Variants in PIP4K2A observed in about 807,000 individuals in gnomAD.
PIP4K2A encodes phosphatidylinositol-5-phosphate 4-kinase type 2 alpha, also known as phosphatidylinositol 5-phosphate 4-kinase type-2 alpha.
In PIP4K2A, 14 loss-of-function variants were observed where a neutral mutation model predicts 42.9. That is an observed-to-expected ratio of 0.33 (90% CI 0.22 to 0.51). The LOEUF (loss-of-function observed/expected upper bound fraction) is 0.51, where lower values mean the gene tolerates loss of function less well. Ranked by LOEUF, PIP4K2A falls within the 20% of genes least tolerant of loss-of-function variation. The pLI, the probability that PIP4K2A is intolerant of heterozygous loss-of-function variation, is 0.97. For missense variants in PIP4K2A, 434 were observed against 519.8 expected, an observed-to-expected ratio of 0.83 and a Z score of 1.61; for synonymous variants, 192 against 192.2, an observed-to-expected ratio of 1.00 and a Z score of 0.01.
intron 1 of PIP4K2A, among the ~76,000 whole-genome samples, chr10:22,657,455 T>C (rs1839124749): frequency 6.6e-6 from 1 of 152,252 alleles, no homozygotes; most frequent in African/African-American, 2.4e-5. Flanking sequence ...TTTTGACTGT[T>C]GTGGGTCAGT....
chr10:22,697,785 C>T (rs185821222), intron 1 of PIP4K2A, among the ~76,000 whole-genome samples: 8 of 152,166 alleles, frequency 5.3e-5, no homozygotes, highest in Admixed American at 6.5e-5. Flanking sequence ...CACACACACA[C>T]CCTGTAATTG....
intron 1 of PIP4K2A, among the ~76,000 whole-genome samples, chr10:22,698,448 C>A (rs35386008): frequency 0.047 from 7,183 of 152,146 alleles, 227 homozygotes; most frequent in Non-Finnish European, 0.071. Flanking sequence ...GTAAATTCCC[C>A]AAAAAGAGAA....
chr10:22,598,137 C>T (rs1486437818), intron 3 of PIP4K2A, among the ~76,000 whole-genome samples: 1 of 152,158 alleles, frequency 6.6e-6, no homozygotes, highest in Non-Finnish European at 1.5e-5. Flanking sequence ...GTGGGAAGAT[C>T]ACTTGAGGCC....
chr10:22,674,595 T>C (rs2130866204), intron 1 of PIP4K2A, among the ~76,000 whole-genome samples: 1 of 152,204 alleles, frequency 6.6e-6, no homozygotes, highest in Non-Finnish European at 1.5e-5. Flanking sequence ...AGAAATGTTA[T>C]ATTCTTTATA....
At chr10:22,674,075 T>C (rs1418982545) in intron 1 of PIP4K2A, among the ~76,000 whole-genome samples, 1 of 152,196 alleles carries the variant, frequency 6.6e-6, no homozygotes, top group East Asian at 1.9e-4. Context: ...CACAGAACCT[T>C]TGCTTTTCTT....
chr10:22,630,393 T>G (rs1366708389), intron 1 of PIP4K2A, among the ~76,000 whole-genome samples: 7 of 152,234 alleles, frequency 4.6e-5, no homozygotes, highest in African/African-American at 1.7e-4. Context: ...AGCCCTATGT[T>G]TTAAAGATTG....
At chr10:22,705,300 A>G (rs2130922726) in intron 1 of PIP4K2A, among the ~76,000 whole-genome samples, 1 of 152,028 alleles carries the variant, frequency 6.6e-6, no homozygotes, top group South Asian at 2.1e-4. Flanking sequence ...TGGCCCTTCA[A>G]AGGTGGCCTC....
chr10:22,555,006 C>T (rs1431554138), intron 6 of PIP4K2A, among the ~76,000 whole-genome samples: 3 of 152,224 alleles, frequency 2.0e-5, no homozygotes, highest in African/African-American at 7.2e-5. Flanking sequence ...TGGCATTCAT[C>T]TCCGCTAATG....
chr10:22,552,914 T>A (rs1278921060), intron 6 of PIP4K2A, among the ~76,000 whole-genome samples: 2 of 152,112 alleles, frequency 1.3e-5, no homozygotes, highest in East Asian at 3.9e-4. Flanking sequence ...GTGAGAAACC[T>A]GAAGGCAGAG....
intron 1 of PIP4K2A, among the ~76,000 whole-genome samples, chr10:22,658,097 A>G (rs7075499): frequency 0.13 from 20,495 of 152,150 alleles, 1,624 homozygotes; most frequent in Middle Eastern, 0.22. Context: ...TACTTTACTC[A>G]CCCCACAGGG....
At chr10:22,680,642 C>T (rs768831370) in intron 1 of PIP4K2A, among the ~76,000 whole-genome samples, 3 of 152,184 alleles carry the variant, frequency 2.0e-5, no homozygotes, top group Non-Finnish European at 4.4e-5. Flanking sequence ...TGGCTTAAAA[C>T]CACTGCCATT....
At position 22,664,084 on chromosome 10, in the gene PIP4K2A, T is replaced by C. The variant is rs1253437186; in HGVS notation, c.144+50099A>G. ...ATACATATATATATATACGTATATA[T>C]ATATACATATATATATATACATATA... On this transcript the variant is annotated intron_variant, in intron 1 of 9. Transcript: ENST00000376573. 2.0e-3 allele frequency among the ~76,000 whole-genome samples: 144 copies of C among 73,262 alleles called. 6 individuals carry two copies. Among genetic ancestry groups the C allele is most frequent in the African/African-American group, 2.6e-3 (24 of 9,176 alleles). The allele number at this position is 73,262 out of a possible 152,430, so 48.1% of individuals were successfully genotyped here. A position where few individuals can be genotyped will look rare whatever the true frequency, so the allele number is the denominator to read the frequency against.
intron 6 of PIP4K2A, among the ~76,000 whole-genome samples, chr10:22,557,824 AAAATG>A (rs1836589153): frequency 8.5e-5 from 13 of 152,230 alleles, no homozygotes; most frequent in Admixed American, 7.2e-4. Context: ...ACATGAACCT[AAAATG>A]CACAGAGCCA....
At chr10:22,705,589 C>T (rs367956755) in intron 1 of PIP4K2A, among the ~76,000 whole-genome samples, 3 of 151,802 alleles carry the variant, frequency 2.0e-5, no homozygotes. Context: ...AATCTCAGGG[C>T]TTGAAACCAA....
intron 1 of PIP4K2A, among the ~76,000 whole-genome samples, chr10:22,699,201 G>A (rs1190577731): frequency 6.6e-6 from 1 of 152,134 alleles, no homozygotes; most frequent in African/African-American, 2.4e-5. Flanking sequence ...TTTCCCAACA[G>A]TTCTTCTGAT....
rs1554792201 is a variant in PIP4K2A, at chr10:22,539,924, A to AGAGAGAGAGG, written c.1140+46_1140+47insCCTCTCTCTC. ...GAGAGAGAGAGAGGGAGAGAGAGAGAGAGAGAGGGAGAGAAAGAGAGAAGG... is the reference window on the plus strand; with the variant it reads ...GAGAGAGAGAGAGGGAGAGAGAGAGAGAGAGAGAGGGAGAGAGGGAGAGAAAGAGAGAAGG... On this transcript the variant is annotated intron_variant, in intron 9 of 9. Coordinates refer to ENST00000376573, the MANE Select transcript of PIP4K2A (RefSeq NM_005028.5). 5.1e-5 allele frequency: 48 copies of AGAGAGAGAGG among 950,222 alleles called. 1 individual carries two copies. The highest frequency in any genetic ancestry group is 2.7e-4 in the South Asian group (21 of 76,438). The allele number at this position is 950,222 out of a possible 1,614,324, so 58.9% of individuals were successfully genotyped here.
At chr10:22,622,416 C>T (rs1301025706) in intron 1 of PIP4K2A, among the ~76,000 whole-genome samples, 1 of 152,220 alleles carries the variant, frequency 6.6e-6, no homozygotes, top group African/African-American at 2.4e-5. Flanking sequence ...CCAGCTCACA[C>T]AGGGCTGGGC....
chr10:22,704,162 TGTAG>T (rs2130920789), intron 1 of PIP4K2A, among the ~76,000 whole-genome samples: 1 of 152,228 alleles, frequency 6.6e-6, no homozygotes, highest in South Asian at 2.1e-4. Context: ...AATGAAATCA[TGTAG>T]GTAAAGTAAA....
rs1471258849 is a variant in PIP4K2A at position 22,677,689 on chromosome 10, A to C, written c.144+36494T>G. Among the ~76,000 whole-genome samples the C allele has an allele frequency of 2.6e-5, 4 of 152,212 alleles. No homozygotes were observed. In the East Asian group the frequency reaches 5.8e-4, roughly 22 times the overall value. Reference sequence around the variant, plus strand: ...AAGAAAAAAATAAATCCTCAAAACCACTTCCACTTGTCAGTTTCCTACAAA... The same window carrying C: ...AAGAAAAAAATAAATCCTCAAAACCCCTTCCACTTGTCAGTTTCCTACAAA... On this transcript the variant is annotated intron_variant, in intron 1 of 9. Coordinates refer to ENST00000376573, the MANE Select transcript of PIP4K2A (RefSeq NM_005028.5).
Sources: gnomAD v4.1 joint callset for allele counts (sites outside exome capture counted in the v4.1 genomes callset) on GRCh38, gnomAD v4.1.1 for gene constraint, MANE v1.5 for transcripts, NCBI Gene and HGNC (gene_info 2026-07-23, HGNC 2026-07-21) for gene names.